The following ARHGAP6 variants were observed in gnomAD, a reference collection of about 807,000 sequenced individuals.
The protein encoded by ARHGAP6 is rho GTPase-activating protein 6.
ARHGAP6 carries 16 observed loss-of-function variants against 55.7 expected under a neutral mutation model. That is an observed-to-expected ratio of 0.29 (90% CI 0.19 to 0.44). The LOEUF is 0.44. Ranked by LOEUF, ARHGAP6 falls within the 20% of genes least tolerant of loss-of-function variation. ARHGAP6 has a pLI of 1.00. For missense variants in ARHGAP6, 698 were observed against 808.9 expected, an observed-to-expected ratio of 0.86 and a Z score of 1.66; for synonymous variants, 382 against 360.9, an observed-to-expected ratio of 1.06 and a Z score of -0.66.
At chrX:11,172,061 G>A (rs886545290) in intron 8 of ARHGAP6, among the ~76,000 whole-genome samples, 5 of 111,089 alleles carry the variant, frequency 4.5e-5, no homozygotes, top group Non-Finnish European at 9.4e-5. Flanking sequence ...GAAACACCTG[G>A]GTGCCCAGCA....
chrX:11,171,569 G>A (rs539287677), intron 8 of ARHGAP6, among the ~76,000 whole-genome samples: 3 of 112,259 alleles, frequency 2.7e-5, no homozygotes, highest in African/African-American at 9.7e-5. Context: ...TATTTTGTGA[G>A]CTCGGGTGAG....
intron 2 of ARHGAP6, among the ~76,000 whole-genome samples, chrX:11,198,106 A>G (rs760257308): frequency 8.9e-6 from 1 of 112,050 alleles, no homozygotes; most frequent in African/African-American, 3.2e-5. Context: ...AGAAATGAGC[A>G]TTCCTGGTAT....
rs766433785 is a variant in ARHGAP6 at position 11,580,132 on chromosome X, G to A, written c.588+84109C>T. On this transcript the variant is annotated intron_variant, in intron 1 of 12. Coordinates refer to ENST00000337414, the MANE Select transcript of ARHGAP6 (RefSeq NM_013427.3). The stretch of plus-strand genomic sequence containing the variant: ...TATAGGGTAGGTGAGGTATCTATGA[G>A]GATGATAGCTACCAAAACTAAACAA... 1.5e-4 allele frequency among the ~76,000 whole-genome samples: 17 copies of A among 111,762 alleles called. No individual in the cohort carries two copies. In the South Asian group the frequency reaches 6.0e-3, roughly 39 times the overall value.
chrX:11,480,753 T>C (rs1379779850), intron 1 of ARHGAP6, among the ~76,000 whole-genome samples: 1 of 111,460 alleles, frequency 9.0e-6, no homozygotes, highest in East Asian at 2.9e-4. Context: ...ATACACACAC[T>C]GTAACTCAAG....
At chrX:11,338,116 A>AC (rs2147647095) in intron 1 of ARHGAP6, among the ~76,000 whole-genome samples, 1 of 111,056 alleles carries the variant, frequency 9.0e-6, no homozygotes, top group Non-Finnish European at 1.9e-5. Context: ...TGTAACCCAG[A>AC]CATCTCCCAC....
intron 1 of ARHGAP6, among the ~76,000 whole-genome samples, chrX:11,340,732 A>G (rs2048695698): frequency 1.8e-5 from 2 of 110,696 alleles, no homozygotes; most frequent in African/African-American, 6.6e-5. Context: ...CCGTCTAAAA[A>G]AAAAAAAAGA....
chrX:11,159,539 C>A, intron 9 of ARHGAP6, among the ~76,000 whole-genome samples: 1 of 110,879 alleles, frequency 9.0e-6, no homozygotes, highest in Non-Finnish European at 1.9e-5. Context: ...ATGCTTGGGG[C>A]CTAGGCAACT....
chrX:11,488,248 A>T (rs1313670370), intron 1 of ARHGAP6, among the ~76,000 whole-genome samples: 1 of 111,886 alleles, frequency 8.9e-6, no homozygotes, highest in East Asian at 2.8e-4. Context: ...CTAAATGGCT[A>T]TCAGGAACCA....
chrX:11,335,288 G>T, intron 1 of ARHGAP6: 1 of 127,050 alleles, frequency 7.9e-6, no homozygotes, highest in Non-Finnish European at 1.6e-5. Flanking sequence ...TTGTTACATG[G>T]ATATACACAT....
chrX:11,257,417 TG>T (rs919330815), intron 1 of ARHGAP6, among the ~76,000 whole-genome samples: 2 of 112,056 alleles, frequency 1.8e-5, no homozygotes, highest in Non-Finnish European at 3.8e-5. Context: ...TCTGGCTTGG[TG>T]GGATGAAAGC....
At chrX:11,587,259 A>G (rs1486199042) in intron 1 of ARHGAP6, among the ~76,000 whole-genome samples, 1 of 111,789 alleles carries the variant, frequency 8.9e-6, no homozygotes, top group African/African-American at 3.3e-5. Flanking sequence ...CTGGTTTTCA[A>G]GAGGAATGCT....
At chrX:11,394,472 G>A (rs1210777780) in intron 1 of ARHGAP6, among the ~76,000 whole-genome samples, 1 of 111,796 alleles carries the variant, frequency 8.9e-6, no homozygotes, top group African/African-American at 3.2e-5. Context: ...GCACAACTCT[G>A]TAAATTTATT....
intron 2 of ARHGAP6, among the ~76,000 whole-genome samples, chrX:11,226,379 T>A (rs974337846): frequency 1.8e-5 from 2 of 111,456 alleles, no homozygotes; most frequent in African/African-American, 6.5e-5. Flanking sequence ...ATTTTCTTAA[T>A]CCAGTCTATC....
chrX:11,420,355 G>A (rs1262142919), intron 1 of ARHGAP6, among the ~76,000 whole-genome samples: 2 of 111,760 alleles, frequency 1.8e-5, no homozygotes, highest in Non-Finnish European at 3.8e-5. Flanking sequence ...AGAACAGAAA[G>A]TACATTAAAA....
At chrX:11,452,159 T>C in intron 1 of ARHGAP6, among the ~76,000 whole-genome samples, 1 of 112,215 alleles carries the variant, frequency 8.9e-6, no homozygotes, top group Non-Finnish European at 1.9e-5. Context: ...TTTTAATTTA[T>C]TTTTTTGAGA....
intron 1 of ARHGAP6, chrX:11,427,523 C>T (rs1054294530): frequency 2.1e-6 from 2 of 941,080 alleles, no homozygotes; most frequent in South Asian, 2.1e-5. Flanking sequence ...CCCCCTGTGT[C>T]CTCTGCACGC....
intron 1 of ARHGAP6, among the ~76,000 whole-genome samples, chrX:11,260,577 T>C (rs1002067992): frequency 1.1e-4 from 12 of 111,899 alleles, no homozygotes; most frequent in Non-Finnish European, 1.9e-4. Flanking sequence ...GTGGGTCTTA[T>C]GGTCTCTGCC....
At chrX:11,468,375 C>G (rs1157996871) in intron 1 of ARHGAP6, among the ~76,000 whole-genome samples, 1 of 111,912 alleles carries the variant, frequency 8.9e-6, no homozygotes, top group Non-Finnish European at 1.9e-5. Flanking sequence ...CAGCTCAGCC[C>G]CTGCCCCTTC....
chrX:11,630,997 GT>G (rs1038398103), intron 1 of ARHGAP6, among the ~76,000 whole-genome samples: 2 of 110,535 alleles, frequency 1.8e-5, no homozygotes, highest in East Asian at 2.8e-4. Flanking sequence ...GCCAGGCACT[GT>G]TTTTTTTAAA....
Sources: gnomAD v4.1 joint callset for allele counts (sites outside exome capture counted in the v4.1 genomes callset) on GRCh38, gnomAD v4.1.1 for gene constraint, MANE v1.5 for transcripts, NCBI Gene and HGNC (gene_info 2026-07-23, HGNC 2026-07-21) for gene names.